Variants in CELSR1 observed in about 807,000 individuals in gnomAD.
CELSR1 encodes the protein adhesion G protein-coupled receptor C1.
CELSR1 carries 110 observed loss-of-function variants against 249.1 expected under a neutral mutation model. The observed-to-expected ratio is 0.44, with a 90% CI of 0.38 to 0.52. The LOEUF (loss-of-function observed/expected upper bound fraction) is 0.52. Among genes scored for constraint, CELSR1 ranks in the 20% least tolerant of loss-of-function variants. The pLI is 0.00. For synonymous variants in CELSR1, 2,113 were observed against 1,900.0 expected (o/e 1.11, Z -2.92); for missense variants, 4,109 against 4,296.4 (o/e 0.96, Z 1.22).
At chr22:46,368,276 C>A (rs9627426) in intron 27 of CELSR1, among the ~76,000 whole-genome samples, 43,201 of 152,030 alleles carry the variant, frequency 0.28, 10,818 homozygotes, top group African/African-American at 0.68. Context: ...CCCATGTGTA[C>A]AAGGGGAAGA....
chr22:46,503,237 C>A (rs1336380070), intron 1 of CELSR1, among the ~76,000 whole-genome samples: 1 of 152,238 alleles, frequency 6.6e-6, no homozygotes, highest in African/African-American at 2.4e-5. Flanking sequence ...ATCCAACCTG[C>A]CTCGCTCCAG....
chr22:46,367,319 T>G (rs1341175829), intron 28 of CELSR1, among the ~76,000 whole-genome samples: 1 of 152,228 alleles, frequency 6.6e-6, no homozygotes, highest in Non-Finnish European at 1.5e-5. Context: ...CTGAGATGCC[T>G]GGGCCAGACC....
At position 46,362,137 on chromosome 22, in the gene CELSR1, T is replaced by G. The variant is rs953549279; in HGVS notation, c.*1086A>C. On this transcript the variant is annotated 3_prime_UTR_variant, in exon 35 of 35. Transcript: ENST00000674500. ...GGAAGGCCCCACACCTCTGTCCAAATCAGGAACCTGCAACGCTTTAAGGTC... is the reference window on the plus strand; with the variant it reads ...GGAAGGCCCCACACCTCTGTCCAAAGCAGGAACCTGCAACGCTTTAAGGTC... The G allele has an allele frequency of 2.0e-5, 3 of 151,826 alleles. No homozygotes were observed. Among genetic ancestry groups the G allele is most frequent in the Non-Finnish European group, 4.4e-5 (3 of 68,042 alleles). The allele number at this position is 151,826 out of a possible 1,614,324, so 9.4% of individuals were successfully genotyped here. A position where few individuals can be genotyped will look rare whatever the true frequency, so the allele number is the denominator to read the frequency against.
intron 25 of CELSR1, chr22:46,370,135 G>A: frequency 2.1e-6 from 1 of 477,170 alleles, no homozygotes; most frequent in Non-Finnish European, 4.2e-6. Context: ...GGCAGACGGT[G>A]CTTGGGAGGA....
rs555553100 is a variant in CELSR1, at chr22:46,391,689, C to T, written c.6092G>A (p.Arg2031His). 95 of 1,609,524 alleles carry T rather than the reference C, an allele frequency of 5.9e-5. 2 individuals carry two copies. The South Asian group carries it at 8.8e-4, about 15-fold the overall frequency. The change falls in exon 15 of 35, where the codon CGC becomes CAC. Residue 2031 changes from arginine to histidine, a missense_variant. Arg to His is a conservative substitution (Grantham distance 29). Around this residue, in one of 7 missense-constraint regions of CELSR1, gnomAD observed 1,805 missense variants for 1,831.6 expected, o/e 0.99. Coordinates refer to ENST00000674500, the MANE Select transcript of CELSR1 (RefSeq NM_001378328.1). The surrounding 1 kb of genome is among the most constrained non-coding windows in gnomAD (Gnocchi z 4.3). ...QCACKPGVIGRQCNRCDNPFA... is the reference protein window; with the variant it reads ...QCACKPGVIGHQCNRCDNPFA... ...CGGGTTGTCGCAGCGGTTGCACTGG[C>T]GGCCGATGACGCCGGGCTTGCAGGC...
At chr22:46,483,118 T>C (rs1459606114) in intron 1 of CELSR1, among the ~76,000 whole-genome samples, 1 of 152,192 alleles carries the variant, frequency 6.6e-6, no homozygotes. Context: ...AAAGCCTATT[T>C]TAGCAAGGAT....
In CELSR1 at chr22:46,361,634, C is replaced by T. The variant is rs1166067144; in HGVS notation, c.*1589G>A. The T allele has an allele frequency of 6.6e-6, 1 of 152,254 alleles. No homozygotes were observed. Among genetic ancestry groups the T allele is most frequent in the Non-Finnish European group, 1.5e-5 (1 of 68,054 alleles). The allele number at this position is 152,254 out of a possible 1,614,324, so 9.4% of individuals were successfully genotyped here. On this transcript the variant is annotated 3_prime_UTR_variant, in exon 35 of 35. Transcript: ENST00000674500. ...GACTCTGGGATCTCATTTCATCCTC[C>T]TGTCCTGGACCATTTTCAGATACGC... is the stretch of plus-strand genomic sequence containing the variant.
chr22:46,460,714 G>A (rs898700329), intron 2 of CELSR1, among the ~76,000 whole-genome samples: 1 of 152,170 alleles, frequency 6.6e-6, no homozygotes, highest in African/African-American at 2.4e-5. Flanking sequence ...AAGGCTTCCT[G>A]CCCTCGTCCC....
In CELSR1 at chr22:46,463,591, C is replaced by T. The variant is rs866080879; in HGVS notation, c.4183+116G>A. The T allele has an allele frequency of 1.2e-5, 14 of 1,150,542 alleles. No individual in the cohort carries two copies. The South Asian group carries it at 1.6e-4, about 13-fold the overall frequency. 71.3% of individuals were successfully genotyped at this position (1,150,542 alleles called of 1,614,324 possible). Reference sequence around the variant, plus strand: ...TCGTGGAGCCCACACCTGGGCCCAGCGCCCATCCTCCAGCTGTTTTCCCCG... The same window carrying T: ...TCGTGGAGCCCACACCTGGGCCCAGTGCCCATCCTCCAGCTGTTTTCCCCG... On this transcript the variant is annotated intron_variant, in intron 2 of 34. Coordinates refer to ENST00000674500, the MANE Select transcript of CELSR1 (RefSeq NM_001378328.1).
At chr22:46,497,995 T>G (rs1213118301) in intron 1 of CELSR1, among the ~76,000 whole-genome samples, 1 of 152,006 alleles carries the variant, frequency 6.6e-6, no homozygotes, top group Non-Finnish European at 1.5e-5. Flanking sequence ...ACGCTTGTAA[T>G]CCCAGCACTT....
At chr22:46,485,421 CAGTG>C (rs1271709997) in intron 1 of CELSR1, among the ~76,000 whole-genome samples, 7 of 152,076 alleles carry the variant, frequency 4.6e-5, no homozygotes, top group Non-Finnish European at 7.3e-5. Context: ...ATTTTGAAAC[CAGTG>C]AGTAAGAAGA....
chr22:46,493,644 G>A (rs746407933), intron 1 of CELSR1, among the ~76,000 whole-genome samples: 29 of 152,078 alleles, frequency 1.9e-4, no homozygotes, highest in South Asian at 8.3e-4. Context: ...CGATTCCCAC[G>A]TGTTGTGGCA....
At position 46,412,315 on chromosome 22, in the gene CELSR1, G is replaced by A. The variant is rs1030834669; in HGVS notation, c.4612-556C>T. On this transcript the variant is annotated intron_variant, in intron 5 of 34. Transcript: ENST00000674500. The surrounding 1 kb of genome is among the most constrained non-coding windows in gnomAD (Gnocchi z 4.5). Reference sequence around the variant, plus strand: ...AGCCACCCTGTCCGTGGTACTTTGTGATGGTGGCCCCAGGAAATGAAGTTG... The same window carrying A: ...AGCCACCCTGTCCGTGGTACTTTGTAATGGTGGCCCCAGGAAATGAAGTTG... 6.6e-6 allele frequency among the ~76,000 whole-genome samples: 1 copy of A among 152,174 alleles called. No homozygotes were observed. Among genetic ancestry groups the A allele is most frequent in the Non-Finnish European group, 1.5e-5 (1 of 68,026 alleles).
chr22:46,520,103 A>T (rs1288265297), intron 1 of CELSR1, among the ~76,000 whole-genome samples: 1 of 151,994 alleles, frequency 6.6e-6, no homozygotes, highest in Admixed American at 6.5e-5. Flanking sequence ...CCAACTCCTG[A>T]CCTCAGGTGA....
chr22:46,414,041 G>A (rs5768759), intron 5 of CELSR1, among the ~76,000 whole-genome samples: 1 of 152,118 alleles, frequency 6.6e-6, no homozygotes, highest in Non-Finnish European at 1.5e-5. Context: ...TCAGAGCTAC[G>A]GATTCAAGCA....
At chr22:46,364,898 C>G (rs936647545) in intron 32 of CELSR1, among the ~76,000 whole-genome samples, 162 bp from the exon 33 acceptor site, 15 of 152,232 alleles carry the variant, frequency 9.9e-5, no homozygotes, top group Non-Finnish European at 1.9e-4. Flanking sequence ...AGGGCGAGTC[C>G]TGGCAGCAGG....
At chr22:46,462,949 G>C (rs1287315992) in intron 2 of CELSR1, 3 of 465,910 alleles carry the variant, frequency 6.4e-6, no homozygotes, top group South Asian at 4.7e-5. Flanking sequence ...GAAAAAACAG[G>C]ATTTCAAGAC....
rs1443327172 is a variant in CELSR1 at position 46,399,628 on chromosome 22, G to A, written c.5412+89C>T. The A allele has an allele frequency of 4.4e-6, 6 of 1,360,844 alleles. No homozygotes were observed. Among genetic ancestry groups the A allele is most frequent in the African/African-American group, 4.3e-5 (3 of 70,144 alleles). The allele number at this position is 1,360,844 out of a possible 1,614,324, so 84.3% of individuals were successfully genotyped here. A position where few individuals can be genotyped will look rare whatever the true frequency, so the allele number is the denominator to read the frequency against. On this transcript the variant is annotated intron_variant, in intron 10 of 34. Coordinates refer to ENST00000674500, the MANE Select transcript of CELSR1 (RefSeq NM_001378328.1). The surrounding 1 kb of genome is among the most constrained non-coding windows in gnomAD (Gnocchi z 5.0). ...CCTCCCCAAATCCACAAGGTCTCTG[G>A]TGGGTCCTGGCACGTCAAGGGGTCA...
In CELSR1 at chr22:46,500,013, C is replaced by G. The variant is rs1376577994; in HGVS notation, c.3544+33614G>C. On this transcript the variant is annotated intron_variant, in intron 1 of 34. Coordinates refer to ENST00000674500, the MANE Select transcript of CELSR1 (RefSeq NM_001378328.1). The surrounding 1 kb of genome is among the most constrained non-coding windows in gnomAD (Gnocchi z 4.9). Reference sequence around the variant, plus strand: ...TTTCCACCCCATGCCTGGCTCAAGGCTCAGCGGCGACCTCTCCCGCTTATC... The same window carrying G: ...TTTCCACCCCATGCCTGGCTCAAGGGTCAGCGGCGACCTCTCCCGCTTATC... Among the ~76,000 whole-genome samples, 2 of 152,176 alleles carry G rather than the reference C, an allele frequency of 1.3e-5. No homozygotes were observed.
Sources: allele counts gnomAD v4.1 joint callset (sites outside exome capture counted in the v4.1 genomes callset), GRCh38; gene constraint gnomAD v4.1.1; regional missense constraint gnomAD v4.1.1; non-coding constraint Gnocchi (gnomAD v3.1); transcripts MANE v1.5; gene names NCBI Gene and HGNC (gene_info 2026-07-23, HGNC 2026-07-21).